ESF1: variants seen among roughly 807,000 people sequenced by gnomAD.
The protein encoded by ESF1 is ESF1 homolog.
In ESF1, 58 loss-of-function variants were observed where a neutral mutation model predicts 92.0. The observed-to-expected ratio is 0.63, with a 90% CI of 0.51 to 0.78. The LOEUF is 0.78. Ranked by LOEUF, ESF1 falls within the 30% of genes least tolerant of loss-of-function variation. The pLI is 0.00. For missense variants in ESF1, 922 were observed against 989.1 expected (o/e 0.93, Z 0.91); for synonymous variants, 321 against 313.7 (o/e 1.02, Z -0.24).
chr20:13,727,557 G>T (rs1568710258), intron 11 of ESF1, among the ~76,000 whole-genome samples: 1 of 152,148 alleles, frequency 6.6e-6, no homozygotes, highest in Non-Finnish European at 1.5e-5. Context: ...CTTGTGTGTG[G>T]TATAATGATC....
chr20:13,729,498 G>A (rs2049927327), intron 10 of ESF1, among the ~76,000 whole-genome samples: 1 of 152,192 alleles, frequency 6.6e-6, no homozygotes, highest in Non-Finnish European at 1.5e-5. Context: ...AGATCTGAAG[G>A]AGAAGAATAC....
At chr20:13,755,261 G>T (rs547918546) in intron 9 of ESF1, among the ~76,000 whole-genome samples, 3 of 152,068 alleles carry the variant, frequency 2.0e-5, no homozygotes, top group African/African-American at 7.2e-5. Flanking sequence ...TTAGGCCAGA[G>T]ATAGCTAAGA....
intron 12 of ESF1, 22 bp downstream of exon 12, chr20:13,718,886 T>G: frequency 1.3e-6 from 2 of 1,558,852 alleles, no homozygotes; most frequent in Non-Finnish European, 1.8e-6. Context: ...CCACTAAGCA[T>G]GTAACAATAA....
chr20:13,750,428 G>A (rs533351980), intron 9 of ESF1, among the ~76,000 whole-genome samples: 38 of 151,962 alleles, frequency 2.5e-4, no homozygotes, highest in African/African-American at 8.0e-4. Flanking sequence ...TTGCTTGAAC[G>A]CGGGAGGCAG....
chr20:13,749,233 T>TA, intron 9 of ESF1, among the ~76,000 whole-genome samples: 1 of 1,404 alleles, frequency 7.1e-4, no homozygotes, highest in African/African-American at 1.3e-3. Context: ...GCCCGGCTAA[T>TA]TTTTTTTTTT....
intron 11 of ESF1, among the ~76,000 whole-genome samples, chr20:13,727,101 A>C (rs143295983): frequency 1.1e-4 from 16 of 152,354 alleles, no homozygotes; most frequent in East Asian, 7.7e-4. Context: ...TTTGAATCCT[A>C]TTCTGAGTTC....
At chr20:13,771,273 A>G in intron 6 of ESF1, 58 bp downstream of exon 6, 1 of 1,487,226 alleles carries the variant, frequency 6.7e-7, no homozygotes. Context: ...CAAATATTTT[A>G]CTTCTTATAA....
chr20:13,783,683 C>T (rs910673785), intron 1 of ESF1, among the ~76,000 whole-genome samples: 4 of 152,148 alleles, frequency 2.6e-5, no homozygotes, highest in Non-Finnish European at 5.9e-5. Context: ...GGCATGGTGG[C>T]GCGCGCCTGT....
chr20:13,774,814 G>A (rs2147776595), intron 4 of ESF1, among the ~76,000 whole-genome samples: 1 of 152,248 alleles, frequency 6.6e-6, no homozygotes, highest in South Asian at 2.1e-4. Context: ...ACTTTATGTG[G>A]TTTTGTTTCT....
At position 13,714,577 on chromosome 20, in the gene ESF1, T is replaced by A; in HGVS notation, c.*297A>T. The A allele has an allele frequency of 5.2e-6, 1 of 193,564 alleles. No homozygotes were observed. Among genetic ancestry groups the A allele is most frequent in the African/African-American group, 2.3e-5 (1 of 43,116 alleles). 12.0% of individuals were successfully genotyped at this position (193,564 alleles called of 1,614,324 possible). A position where few individuals can be genotyped will look rare whatever the true frequency, so the allele number is the denominator to read the frequency against. ...TTACACAGAATTGTAAACAGCCTTT[T>A]AAAAAGCTAGAGTAACTTTCCACTA... On this transcript the variant is annotated 3_prime_UTR_variant, in exon 14 of 14. Transcript: ENST00000617257.
Position 13,718,994 on chromosome 20 carries a change from C to T in ESF1, c.2039-10G>A, listed in dbSNP as rs764947576. The T allele has an allele frequency of 3.8e-6, 6 of 1,593,144 alleles. No individual in the cohort carries two copies. The highest frequency in any genetic ancestry group is 5.1e-6 in the Non-Finnish European group (6 of 1,171,836). Reference sequence around the variant, plus strand: ...GATTTTTTATTTATACCTGGCACAACAAACCAACATAAGAGTGGTAAAAAT... The same window carrying T: ...GATTTTTTATTTATACCTGGCACAATAAACCAACATAAGAGTGGTAAAAAT... On this transcript the variant is annotated splice_polypyrimidine_tract_variant and intron_variant, in intron 11 of 13. Coordinates refer to ENST00000617257, the MANE Select transcript of ESF1 (RefSeq NM_001276380.2).
chr20:13,772,603 C>T lies in ESF1; in HGVS notation c.1162G>A (p.Glu388Lys). 2 of 1,609,828 alleles carry T rather than the reference C, an allele frequency of 1.2e-6. No homozygotes were observed. The highest frequency in any genetic ancestry group is 8.5e-7 in the Non-Finnish European group (1 of 1,177,146). ...TCCTTCATCCTCTCCTTTCCAAATT[C>T]TGAAGGATATATCTAAACAGAAAAA... ...VIFSVKIYPS[E>K]FGKERMKEEQ... Residue 388 changes from glutamate to lysine, a missense_variant, in exon 5 of 14, where the codon GAA (glutamate) becomes AAA (lysine). Physicochemically the swap from Glu to Lys is moderately conservative, Grantham distance 56. Coordinates refer to ENST00000617257, the MANE Select transcript of ESF1 (RefSeq NM_001276380.2).
At chr20:13,721,527 T>C (rs967978955) in intron 11 of ESF1, among the ~76,000 whole-genome samples, 12 of 152,166 alleles carry the variant, frequency 7.9e-5, no homozygotes, top group African/African-American at 2.9e-4. Context: ...GGAGGTGATA[T>C]GTGAGAACAC....
chr20:13,717,648 T>G lies in ESF1; in HGVS notation c.2116-134A>C, dbSNP rs2049839176. 3 of 888,376 alleles carry G rather than the reference T, an allele frequency of 3.4e-6. No individual in the cohort carries two copies. The East Asian group carries it at 7.8e-5, about 23-fold the overall frequency. 55.0% of individuals were successfully genotyped at this position (888,376 alleles called of 1,614,324 possible). A position where few individuals can be genotyped will look rare whatever the true frequency, so the allele number is the denominator to read the frequency against. On this transcript the variant is annotated intron_variant, in intron 12 of 13. Transcript: ENST00000617257. Reference sequence around the variant, plus strand: ...TAGAACTCTGGGGTACCACCTGTTGTCTGTAAACTGACTGTGGATTACCAA... The same window carrying G: ...TAGAACTCTGGGGTACCACCTGTTGGCTGTAAACTGACTGTGGATTACCAA...
intron 4 of ESF1, among the ~76,000 whole-genome samples, chr20:13,772,896 G>A (rs1363721986): frequency 1.3e-5 from 2 of 151,954 alleles, no homozygotes; most frequent in Non-Finnish European, 2.9e-5. Flanking sequence ...AGATCCAAAC[G>A]AAAAATTAAA....
chr20:13,734,021 T>C (rs2049960853), intron 9 of ESF1, among the ~76,000 whole-genome samples, 179 bp from the exon 10 acceptor site: 1 of 152,200 alleles, frequency 6.6e-6, no homozygotes, highest in Non-Finnish European at 1.5e-5. Context: ...CCAACTTCTA[T>C]AAAAGTTATT....
At chr20:13,737,532 G>A (rs1324061055) in intron 9 of ESF1, among the ~76,000 whole-genome samples, 2 of 152,112 alleles carry the variant, frequency 1.3e-5, no homozygotes, top group African/African-American at 4.8e-5. Flanking sequence ...TTCTGATATA[G>A]GCTGAAACCA....
intron 7 of ESF1, 145 bp from the exon 8 acceptor site, chr20:13,767,069 T>G (rs1979462109): frequency 2.8e-6 from 2 of 704,714 alleles, no homozygotes; most frequent in South Asian, 4.3e-5. Flanking sequence ...ATGATATGAT[T>G]AATAAATAGT....
chr20:13,722,478 T>C (rs918748806), intron 11 of ESF1, among the ~76,000 whole-genome samples: 2 of 152,328 alleles, frequency 1.3e-5, no homozygotes, highest in African/African-American at 4.8e-5. Context: ...TTAAGTTAGA[T>C]GAACAGTACT....
Sources: allele counts gnomAD v4.1 joint callset (sites outside exome capture counted in the v4.1 genomes callset), GRCh38; gene constraint gnomAD v4.1.1; transcripts MANE v1.5; gene names NCBI Gene and HGNC (gene_info 2026-07-23, HGNC 2026-07-21).